DPP6: variants seen among roughly 807,000 people sequenced by gnomAD.
DPP6 encodes the protein dipeptidyl peptidase like 6, also known as A-type potassium channel modulatory protein DPP6.
In DPP6, 69 loss-of-function variants were observed where a neutral mutation model predicts 122.6. That is an observed-to-expected ratio of 0.56 (90% CI 0.46 to 0.69). DPP6 has a LOEUF of 0.69. DPP6 is among the 30% of genes least tolerant of loss of function. The pLI, the probability that DPP6 is intolerant of heterozygous loss-of-function variation, is 0.00. For missense variants in DPP6, 928 were observed against 1,116.9 expected (o/e 0.83, Z 2.41); for synonymous variants, 418 against 433.1 (o/e 0.97, Z 0.43).
chr7:154,336,586 G>A (rs1445607168), intron 1 of DPP6, among the ~76,000 whole-genome samples: 1 of 152,176 alleles, frequency 6.6e-6, no homozygotes, highest in Non-Finnish European at 1.5e-5. Context: ...ACACCTTGGA[G>A]TATGATTCAA....
At chr7:154,803,629 T>C (rs1234739803) in intron 13 of DPP6, among the ~76,000 whole-genome samples, 1 of 152,228 alleles carries the variant, frequency 6.6e-6, no homozygotes, top group East Asian at 1.9e-4. Context: ...GACAGGGCAC[T>C]GTTCCCACCA....
At chr7:153,760,650 T>C in the DPP6 span, among the ~76,000 whole-genome samples, 1 of 152,082 alleles carries the variant, frequency 6.6e-6, no homozygotes, top group Non-Finnish European at 1.5e-5. Flanking sequence ...ATCCCTATGC[T>C]CAGTTTTAGG....
At chr7:154,383,308 G>A (rs1043786282) in intron 1 of DPP6, among the ~76,000 whole-genome samples, 1 of 152,088 alleles carries the variant, frequency 6.6e-6, no homozygotes, top group Non-Finnish European at 1.5e-5. Flanking sequence ...TGAGTACTTC[G>A]CAACTCATAA....
At chr7:154,471,234 G>A (rs1822247475) in intron 2 of DPP6, among the ~76,000 whole-genome samples, 2 of 152,186 alleles carry the variant, frequency 1.3e-5, no homozygotes, top group Admixed American at 6.5e-5. Flanking sequence ...CTGGGTGACA[G>A]AGCAAGACTC....
chr7:154,508,504 G>C (rs759703854), intron 3 of DPP6, among the ~76,000 whole-genome samples: 1 of 152,138 alleles, frequency 6.6e-6, no homozygotes, highest in East Asian at 1.9e-4. Flanking sequence ...GCATGAAAGA[G>C]GTATGCATCT....
chr7:154,626,565 T>A (rs1172127479), intron 5 of DPP6, among the ~76,000 whole-genome samples: 2 of 152,228 alleles, frequency 1.3e-5, no homozygotes, highest in African/African-American at 4.8e-5. Context: ...AACTAAGGTA[T>A]AATAGCGTTG....
chr7:153,807,424 CAAACAAAA>C, the DPP6 span, among the ~76,000 whole-genome samples: 1 of 145,166 alleles, frequency 6.9e-6, no homozygotes, highest in African/African-American at 2.6e-5. Flanking sequence ...AACAAACAAA[CAAACAAAA>C]AAAAAAACAA....
chr7:154,536,355 A>C (rs939772642), intron 3 of DPP6, among the ~76,000 whole-genome samples: 2 of 152,174 alleles, frequency 1.3e-5, no homozygotes, highest in African/African-American at 4.8e-5. Context: ...ATTCATTTCT[A>C]GATAGGTTAT....
intron 20 of DPP6, among the ~76,000 whole-genome samples, chr7:154,878,571 A>G (rs1037282194): frequency 1.3e-5 from 2 of 152,192 alleles, no homozygotes; most frequent in Admixed American, 6.5e-5. Flanking sequence ...ACCTAAAATC[A>G]GGAGGCTGAC....
chr7:154,581,469 C>T (rs1832065759), intron 5 of DPP6, among the ~76,000 whole-genome samples: 1 of 152,112 alleles, frequency 6.6e-6, no homozygotes, highest in African/African-American at 2.4e-5. Flanking sequence ...CCTGGCACCT[C>T]AGCAGCTTCA....
At chr7:153,776,788 C>T in the DPP6 span, among the ~76,000 whole-genome samples, 1 of 152,114 alleles carries the variant, frequency 6.6e-6, no homozygotes, top group East Asian at 1.9e-4. Flanking sequence ...ATTATAGACT[C>T]ACATGTAAAT....
At chr7:153,819,067 C>CTTTTT in the DPP6 span, among the ~76,000 whole-genome samples, 3 of 68,558 alleles carry the variant, frequency 4.4e-5, no homozygotes, top group Admixed American at 2.0e-4. Flanking sequence ...TTTTTTTCCC[C>CTTTTT]TTTTCTTTTC....
rs910681884 is a variant in DPP6 at position 154,382,974 on chromosome 7, G to A, written c.244-63240G>A. Among the ~76,000 whole-genome samples, 44 of 152,272 alleles carry A rather than the reference G, an allele frequency of 2.9e-4. 1 individual carries two copies. The highest frequency in any genetic ancestry group is 2.6e-3 in the Admixed American group (40 of 15,294). On this transcript the variant is annotated intron_variant, in intron 1 of 25. Coordinates refer to ENST00000377770, the MANE Select transcript of DPP6 (RefSeq NM_130797.4). The stretch of plus-strand genomic sequence containing the variant: ...ACTCCTGACCTCAGGTAGTCCGCCC[G>A]CCTTGGCCTCCCAAAATGCTGGGAT...
rs184154825 is a variant in DPP6, at chr7:154,500,673, C to T, written c.457+25636C>T. On this transcript the variant is annotated intron_variant, in intron 3 of 25. Transcript: ENST00000377770. ...CAGGATTGTGAGGCCTCCCCAGCCA[C>T]GTGGAACTGTAAGTCCAATAAACCT... Among the ~76,000 whole-genome samples the T allele has an allele frequency of 1.2e-4, 18 of 152,310 alleles. No homozygotes were observed. In the East Asian group the frequency reaches 1.3e-3, roughly 11 times the overall value.
rs1337858279 is a variant in DPP6 at position 154,853,794 on chromosome 7, A to G, written c.1681A>G (p.Met561Val). Residue 561 changes from methionine to valine, a missense_variant, in exon 17 of 26, where the codon ATG (methionine) becomes GTG (valine). Physicochemically the swap from Met to Val is conservative, Grantham distance 21 (BLOSUM62 1). Transcript: ENST00000377770. The part of the protein sequence containing the change: ...LLKCEGPGVP[M>V]VTVHNTTDKK... ...ACCCAACACAGGTCCTGGTGTTCCT[A>G]TGGTGACGGTGCACAACACAACAGA... 8 of 1,613,778 alleles carry G rather than the reference A, an allele frequency of 5.0e-6. No homozygotes were observed. Among genetic ancestry groups the G allele is most frequent in the East Asian group, 4.5e-5 (2 of 44,886 alleles).
chr7:153,982,237 C>T (rs567867980), intron 1 of DPP6, among the ~76,000 whole-genome samples: 21 of 151,446 alleles, frequency 1.4e-4, no homozygotes, highest in African/African-American at 3.9e-4. Context: ...AGGTTTTGTT[C>T]GTTTCTTTTC....
At chr7:154,210,518 A>G (rs12703326) in intron 1 of DPP6, among the ~76,000 whole-genome samples, 128,156 of 151,932 alleles carry the variant, frequency 0.84, 54,137 homozygotes, top group African/African-American at 0.86. Context: ...ATTAATACCT[A>G]GGAAAAACTT....
intron 1 of DPP6, among the ~76,000 whole-genome samples, chr7:154,013,886 A>G (rs1215029463): frequency 1.3e-5 from 2 of 151,306 alleles, no homozygotes; most frequent in African/African-American, 4.9e-5. Context: ...AGCCTCCATC[A>G]GATCCCGGTC....
At chr7:153,936,112 C>T (rs773976440) in intron 1 of DPP6, among the ~76,000 whole-genome samples, 36 of 152,178 alleles carry the variant, frequency 2.4e-4, no homozygotes, top group Non-Finnish European at 3.4e-4. Flanking sequence ...CCGGCATCTG[C>T]GCTCTAATAC....
Sources: allele counts gnomAD v4.1 joint callset (sites outside exome capture counted in the v4.1 genomes callset), GRCh38; gene constraint gnomAD v4.1.1; transcripts MANE v1.5; gene names NCBI Gene and HGNC (gene_info 2026-07-23, HGNC 2026-07-21).